Variants in FOXO1 observed in about 807,000 individuals in gnomAD.
FOXO1 encodes the protein forkhead box O1.
In FOXO1, 6 loss-of-function variants were observed where a neutral mutation model predicts 44.1. That is an observed-to-expected ratio of 0.14 (90% confidence interval 0.07 to 0.27). The LOEUF (loss-of-function observed/expected upper bound fraction) is 0.27. Among genes scored for constraint, FOXO1 ranks in the 10% least tolerant of loss-of-function variants. The probability of loss-of-function intolerance (pLI) is 1.00; values close to 1 mark genes in which losing one functional copy is unlikely to be tolerated. For missense variants in FOXO1, 737 were observed against 888.8 expected (o/e 0.83, Z 2.17); for synonymous variants, 380 against 362.7 (o/e 1.05, Z -0.54).
intron 1 of FOXO1, among the ~76,000 whole-genome samples, chr13:40,628,387 A>ACACACACC (rs1445854283): frequency 1.8e-4 from 27 of 151,298 alleles, no homozygotes; most frequent in African/African-American, 6.3e-4. Context: ...ACACACACAC[A>ACACACACC]CACCCCGTGA....
At position 40,556,579 on chromosome 13, in the gene FOXO1, T is replaced by A. The variant is rs973272849; in HGVS notation, c.*2470A>T. 3 of 152,606 alleles carry A rather than the reference T, an allele frequency of 2.0e-5. No individual in the cohort carries two copies. The highest frequency in any genetic ancestry group is 4.4e-5 in the Non-Finnish European group (3 of 68,032). 9.5% of individuals were successfully genotyped at this position (152,606 alleles called of 1,614,324 possible). ...GTCAGTATTCTTACAGGAAAAAAAC[T>A]ACCAGAGGCCACATAATGTTTGCTT... On this transcript the variant is annotated 3_prime_UTR_variant, in exon 3 of 3. Transcript: ENST00000379561.
At chr13:40,649,663 T>A (rs1412789324) in intron 1 of FOXO1, among the ~76,000 whole-genome samples, 1 of 152,182 alleles carries the variant, frequency 6.6e-6, no homozygotes, top group Non-Finnish European at 1.5e-5. Flanking sequence ...ATTATTTTAA[T>A]TTTTTTCTTA....
At chr13:40,585,336 C>CGT (rs1407331597) in intron 1 of FOXO1, among the ~76,000 whole-genome samples, 5 of 121,132 alleles carry the variant, frequency 4.1e-5, no homozygotes, top group South Asian at 2.9e-4. Context: ...ATTTCCTCTG[C>CGT]GCGCGCGCAC....
chr13:40,600,978 A>C (rs925176257), intron 1 of FOXO1, among the ~76,000 whole-genome samples: 1 of 152,196 alleles, frequency 6.6e-6, no homozygotes, highest in African/African-American at 2.4e-5. Context: ...ATAAAACCTG[A>C]GATCAGGGTT....
intron 1 of FOXO1, among the ~76,000 whole-genome samples, chr13:40,582,390 T>C (rs554862999): frequency 6.6e-6 from 1 of 152,352 alleles, no homozygotes; most frequent in African/African-American, 2.4e-5. Context: ...ATCGCTTTGG[T>C]AATTTCTTAA....
intron 1 of FOXO1, among the ~76,000 whole-genome samples, chr13:40,617,670 A>C (rs1249119522): frequency 6.6e-6 from 1 of 152,194 alleles, no homozygotes; most frequent in African/African-American, 2.4e-5. Flanking sequence ...ACAGGTGGAC[A>C]GAAGGAATAC....
intron 1 of FOXO1, among the ~76,000 whole-genome samples, chr13:40,665,194 C>G (rs990571165): frequency 2.0e-5 from 3 of 152,030 alleles, no homozygotes; most frequent in African/African-American, 7.2e-5. Context: ...AGAACCCGCC[C>G]TCCCCCCGCG....
chr13:40,579,361 G>A (rs1276262791), intron 1 of FOXO1, among the ~76,000 whole-genome samples: 3 of 152,158 alleles, frequency 2.0e-5, no homozygotes, highest in African/African-American at 4.8e-5. Flanking sequence ...ACGCCAGGTC[G>A]GATTACTCCG....
chr13:40,568,694 A>C (rs1279304347), intron 1 of FOXO1, among the ~76,000 whole-genome samples: 1 of 152,156 alleles, frequency 6.6e-6, no homozygotes, highest in Non-Finnish European at 1.5e-5. Flanking sequence ...AGGCTGGTTC[A>C]TTTCCCAGAA....
Position 40,559,685 on chromosome 13 carries a change from C to G in FOXO1, c.1806G>C (p.Leu602Phe), listed in dbSNP as rs771921917. 6.2e-7 allele frequency: 1 copy of G among 1,614,196 alleles called. No homozygotes were observed. The highest frequency in any genetic ancestry group is 1.1e-5 in the South Asian group (1 of 91,086). The change falls in exon 2 of 3, where the codon TTG (leucine) becomes TTC (phenylalanine). Residue 602 changes from leucine to phenylalanine, a missense_variant. Physicochemically the swap from Leu to Phe is conservative, Grantham distance 22 (BLOSUM62 0). Transcript: ENST00000379561. ...CTAAGCGCTCAATGAACATGCCATC[C>G]AAGTCACTTGGGAGCTTCTCCTGGT... ...LLHQEKLPSDLDGMFIERLDC... is the reference protein window; with the variant it reads ...LLHQEKLPSDFDGMFIERLDC...
intron 1 of FOXO1, among the ~76,000 whole-genome samples, chr13:40,659,314 CAAAAAAAAA>C (rs1210028542): frequency 4.6e-5 from 4 of 87,636 alleles, no homozygotes; most frequent in African/African-American, 1.7e-4. Flanking sequence ...GACTCCGTCT[CAAAAAAAAA>C]AAAAAAAAGA....
intron 1 of FOXO1, among the ~76,000 whole-genome samples, chr13:40,604,670 G>C (rs1875934008): frequency 6.6e-6 from 1 of 152,140 alleles, no homozygotes; most frequent in South Asian, 2.1e-4. Flanking sequence ...AACATGCCAT[G>C]ACAACAGGAG....
At chr13:40,595,681 T>G (rs533993504) in intron 1 of FOXO1, among the ~76,000 whole-genome samples, 1 of 152,254 alleles carries the variant, frequency 6.6e-6, no homozygotes, top group African/African-American at 2.4e-5. Flanking sequence ...AAATTCACAA[T>G]TTCCTCTGAT....
intron 1 of FOXO1, chr13:40,619,376 T>C (rs1431229415): frequency 6.0e-6 from 4 of 672,248 alleles, no homozygotes; most frequent in Admixed American, 2.1e-5. Context: ...GAATATTCTC[T>C]TCTAGCATAG....
intron 1 of FOXO1, chr13:40,618,723 G>A: frequency 2.4e-6 from 1 of 417,754 alleles, no homozygotes; most frequent in Non-Finnish European, 4.6e-6. Context: ...AAATAAGAAA[G>A]CCAGGAATCT....
chr13:40,571,034 G>A (rs780931250), intron 1 of FOXO1, among the ~76,000 whole-genome samples: 9 of 152,100 alleles, frequency 5.9e-5, no homozygotes, highest in Non-Finnish European at 4.4e-5. Context: ...ACTGTCATAC[G>A]CTTGGGTTTA....
chr13:40,627,086 A>G (rs1876809883), intron 1 of FOXO1, among the ~76,000 whole-genome samples: 1 of 152,194 alleles, frequency 6.6e-6, no homozygotes, highest in Non-Finnish European at 1.5e-5. Flanking sequence ...AGAACACTGC[A>G]ATCACCTTTG....
chr13:40,653,555 C>A (rs1434724550), intron 1 of FOXO1, among the ~76,000 whole-genome samples: 1 of 152,204 alleles, frequency 6.6e-6, no homozygotes, highest in Non-Finnish European at 1.5e-5. Context: ...AATACCAAAC[C>A]ATTGAAGAAA....
intron 1 of FOXO1, among the ~76,000 whole-genome samples, chr13:40,614,898 A>G (rs1876367264): frequency 6.6e-6 from 1 of 152,182 alleles, no homozygotes; most frequent in Non-Finnish European, 1.5e-5. Flanking sequence ...ATCCCTTCCT[A>G]TCTTGAAAAC....
Sources: allele counts gnomAD v4.1 joint callset (sites outside exome capture counted in the v4.1 genomes callset), GRCh38; gene constraint gnomAD v4.1.1; transcripts MANE v1.5; gene names NCBI Gene and HGNC (gene_info 2026-07-23, HGNC 2026-07-21).